SSBP4: variants seen among roughly 807,000 people sequenced by gnomAD.
SSBP4 encodes the protein single stranded DNA binding protein 4.
SSBP4 carries 33 observed loss-of-function variants against 64.6 expected under a neutral mutation model. That is an observed-to-expected ratio of 0.51 (90% confidence interval 0.39 to 0.68). SSBP4 has a LOEUF of 0.68. Ranked by LOEUF, SSBP4 falls within the 30% of genes least tolerant of loss-of-function variation. The probability of loss-of-function intolerance (pLI) is 0.00; values close to 1 mark genes in which losing one functional copy is unlikely to be tolerated. For missense variants in SSBP4, 583 were observed against 566.8 expected (o/e 1.03, Z -0.29); for synonymous variants, 243 against 224.0 (o/e 1.08, Z -0.76).
intron 1 of SSBP4, among the ~76,000 whole-genome samples, chr19:18,424,377 C>T (rs1203359245): frequency 2.0e-5 from 3 of 152,172 alleles, no homozygotes; most frequent in East Asian, 1.9e-4. Flanking sequence ...CCCCGCCCCA[C>T]GTCAAGCTAC....
upstream of SSBP4, among the ~76,000 whole-genome samples, chr19:18,418,594 G>A (rs1454895196): frequency 6.6e-6 from 1 of 152,230 alleles, no homozygotes; most frequent in African/African-American, 2.4e-5. The surrounding 1 kb of genome is among the most constrained non-coding windows in gnomAD (Gnocchi z 6.7). Flanking sequence ...TTACTTCGGG[G>A]TGGTGCCAGG....
Position 18,432,744 on chromosome 19 carries a change from G to A in SSBP4, c.786+9G>A. 6.2e-7 allele frequency: 1 copy of A among 1,606,202 alleles called. No homozygotes were observed. The highest frequency in any genetic ancestry group is 1.7e-5 in the Admixed American group (1 of 59,730). On this transcript the variant is annotated intron_variant, in intron 12 of 17. Transcript: ENST00000270061. ...CCCCCGGCAGCTACACCGTAAGTCTGAGCAAAGCTGGGTCACCCCTGGGCA... is the reference window on the plus strand; with the variant it reads ...CCCCCGGCAGCTACACCGTAAGTCTAAGCAAAGCTGGGTCACCCCTGGGCA...
At chr19:18,414,840 G>A (rs1432357568), upstream of SSBP4, among the ~76,000 whole-genome samples, 1 of 152,148 alleles carries the variant, frequency 6.6e-6, no homozygotes, top group African/African-American at 2.4e-5. Flanking sequence ...CTGAAGTTCA[G>A]CTGTTTCCCG....
upstream of SSBP4, among the ~76,000 whole-genome samples, chr19:18,414,397 T>G (rs1428181671): frequency 3.3e-5 from 5 of 151,604 alleles, no homozygotes; most frequent in Non-Finnish European, 5.9e-5. Flanking sequence ...GAAGCTGAGG[T>G]GGGAGGATCA....
chr19:18,434,305 A>G lies in SSBP4; in HGVS notation c.*59A>G. The G allele has an allele frequency of 6.3e-7, 1 of 1,597,692 alleles. No homozygotes were observed. The highest frequency in any genetic ancestry group is 8.5e-7 in the Non-Finnish European group (1 of 1,173,002). The stretch of plus-strand genomic sequence containing the variant: ...AGGCTTCTGCCCAGCGCCCCTGCTC[A>G]GGGCGAGGGGCTGAGGTCACACCTC... On this transcript the variant is annotated 3_prime_UTR_variant, in exon 18 of 18. Coordinates refer to ENST00000270061, the MANE Select transcript of SSBP4 (RefSeq NM_032627.5).
rs746891221 is a variant in SSBP4 at position 18,431,834 on chromosome 19, C to T, written c.537C>T (p.Gly179=). ...GLPGSQPLLP[G]AMEPSPRAQG... ...CTGGCTCCCAGCCCCTCCTCCCTGGCGCCATGGAGCCCTCCCCACGAGCCC... is the reference window on the plus strand; with the variant it reads ...CTGGCTCCCAGCCCCTCCTCCCTGGTGCCATGGAGCCCTCCCCACGAGCCC... Residue 179 remains glycine (G), a synonymous_variant, in exon 8 of 18, where the codon GGC becomes GGT. Transcript: ENST00000270061. The T allele has an allele frequency of 6.4e-6, 10 of 1,570,022 alleles. No homozygotes were observed. Among genetic ancestry groups the T allele is most frequent in the Middle Eastern group, 1.7e-4 (1 of 6,002 alleles).
rs1221112802 is a variant in SSBP4, at chr19:18,419,490, G to A, written c.-159G>A. 1 of 1,092,556 alleles carries A rather than the reference G, an allele frequency of 9.2e-7. No homozygotes were observed. The allele number at this position is 1,092,556 out of a possible 1,614,324, so 67.7% of individuals were successfully genotyped here. A position where few individuals can be genotyped will look rare whatever the true frequency, so the allele number is the denominator to read the frequency against. On this transcript the variant is annotated 5_prime_UTR_variant, in exon 1 of 18. Coordinates refer to ENST00000270061, the MANE Select transcript of SSBP4 (RefSeq NM_032627.5). ...TGGAGCCGCCGCTGCCGCCGCCGCC[G>A]CGGCCGTCTGGAGCTCCCCCGCGCG...
rs147271786 is a variant in SSBP4 at position 18,427,757 on chromosome 19, A to G, written c.138A>G (p.Arg46=). The part of the protein sequence containing the change: ...KSAQTFLSEI[R]WEKNITLGEP... ...CCACCTTCCTTTCCCTGCAGATCCG[A>G]TGGGAGAAGAACATCACGCTGGGGG... Residue 46 remains arginine (R), a synonymous_variant, in exon 3 of 18, where the codon CGA becomes CGG. Coordinates refer to ENST00000270061, the MANE Select transcript of SSBP4 (RefSeq NM_032627.5). This position sits in a 1 kb window ranked among gnomAD's most constrained non-coding sequence, Gnocchi z 4.4. The G allele has an allele frequency of 5.0e-6, 8 of 1,593,384 alleles. No individual in the cohort carries two copies. Among genetic ancestry groups the G allele is most frequent in the Non-Finnish European group, 6.9e-6 (8 of 1,165,082 alleles).
chr19:18,422,263 A>AG (rs1972515894), intron 1 of SSBP4, among the ~76,000 whole-genome samples: 1 of 152,166 alleles, frequency 6.6e-6, no homozygotes, highest in African/African-American at 2.4e-5. Flanking sequence ...TGGTAGGGTG[A>AG]GGGGGTTAGC....
rs1972836180 is a variant in SSBP4 at position 18,426,077 on chromosome 19, G to C, written c.60-1274G>C. ...TTTGGGGCAAGGGCAGTGCCCATGA[G>C]GACCAGGTGGGGGCAGGAAGTCCCC... On this transcript the variant is annotated intron_variant, in intron 1 of 17. Coordinates refer to ENST00000270061, the MANE Select transcript of SSBP4 (RefSeq NM_032627.5). This position sits in a 1 kb window ranked among gnomAD's most constrained non-coding sequence, Gnocchi z 4.5. 6.6e-6 allele frequency: 1 copy of C among 152,334 alleles called. No individual in the cohort carries two copies. Among genetic ancestry groups the C allele is most frequent in the Admixed American group, 6.5e-5 (1 of 15,278 alleles). 9.4% of individuals were successfully genotyped at this position (152,334 alleles called of 1,614,324 possible).
upstream of SSBP4, among the ~76,000 whole-genome samples, chr19:18,416,360 G>A (rs528416826): frequency 1.3e-5 from 2 of 152,272 alleles, no homozygotes; most frequent in Non-Finnish European, 2.9e-5. Context: ...CGTCCAGGCT[G>A]AAGTGCAGTG....
Position 18,434,031 on chromosome 19 carries a change from C to T in SSBP4, c.1129-186C>T, listed in dbSNP as rs1017031857. The T allele has an allele frequency of 1.1e-4, 137 of 1,296,744 alleles. No homozygotes were observed. In the African/African-American group the frequency reaches 1.9e-3, roughly 18 times the overall value. The allele number at this position is 1,296,744 out of a possible 1,614,324, so 80.3% of individuals were successfully genotyped here. A position where few individuals can be genotyped will look rare whatever the true frequency, so the allele number is the denominator to read the frequency against. The stretch of plus-strand genomic sequence containing the variant: ...TCACCGTCCCGATCCCATCCGCCCC[C>T]ACCCCGGGACCCGCGCCCCAGGGCG... On this transcript the variant is annotated intron_variant, in intron 17 of 17. Coordinates refer to ENST00000270061, the MANE Select transcript of SSBP4 (RefSeq NM_032627.5).
In SSBP4 at chr19:18,431,819, G is replaced by A; in HGVS notation, c.522G>A (p.Gln174=). Residue 174 remains glutamine (Q), a synonymous_variant, in exon 8 of 18, where the codon CAG becomes CAA. Transcript: ENST00000270061. ...SQPPAGLPGS[Q]PLLPGAMEPS... Reference sequence around the variant, plus strand: ...CTCCCGCAGGCCTCCCTGGCTCCCAGCCCCTCCTCCCTGGCGCCATGGAGC... The same window carrying A: ...CTCCCGCAGGCCTCCCTGGCTCCCAACCCCTCCTCCCTGGCGCCATGGAGC... 6 of 1,566,382 alleles carry A rather than the reference G, an allele frequency of 3.8e-6. No individual in the cohort carries two copies. The highest frequency in any genetic ancestry group is 5.2e-6 in the Non-Finnish European group (6 of 1,154,672).
rs1973366157 is a variant in SSBP4, at chr19:18,431,372, CGT to C, written c.390_391del (p.Ser131ProfsTer147). 7.6e-7 allele frequency: 1 copy of C among 1,321,616 alleles called. No individual in the cohort carries two copies. 81.9% of individuals were successfully genotyped at this position (1,321,616 alleles called of 1,614,324 possible). Reference sequence around the variant, plus strand: ...TCCTAGGGCCCCCCCGGCTCCCAGCCGTCCCCCCACAACCCCAACGCCCCCAT... The same window carrying C: ...TCCTAGGGCCCCCCCGGCTCCCAGCCCCCCCCACAACCCCAACGCCCCCAT... On this transcript the variant is annotated frameshift_variant, in exon 6 of 18. Transcript: ENST00000270061. LOFTEE classifies it high-confidence loss of function.
rs1358279404 is a variant in SSBP4 at position 18,432,900 on chromosome 19, G to C, written c.841+17G>C. 22 of 1,613,912 alleles carry C rather than the reference G, an allele frequency of 1.4e-5. No individual in the cohort carries two copies. The Admixed American group carries it at 3.7e-4, about 27-fold the overall frequency. On this transcript the variant is annotated intron_variant, in intron 13 of 17. Coordinates refer to ENST00000270061, the MANE Select transcript of SSBP4 (RefSeq NM_032627.5). The stretch of plus-strand genomic sequence containing the variant: ...GCCCTGGAGGTATGGCCTAGTAAGA[G>C]GTGGGGGTGTGCTAGGGTGGGTGTG...
chr19:18,410,707 C>G, the SSBP4 span, among the ~76,000 whole-genome samples: 2 of 151,764 alleles, frequency 1.3e-5, no homozygotes, highest in African/African-American at 4.8e-5. Flanking sequence ...GGTCTTAGCT[C>G]AGGGAGGCCT....
upstream of SSBP4, among the ~76,000 whole-genome samples, chr19:18,415,546 C>CG: frequency 6.6e-6 from 1 of 151,990 alleles, no homozygotes; most frequent in Non-Finnish European, 1.5e-5. Flanking sequence ...AACAGTCTTG[C>CG]GGGGGCAGTG....
At chr19:18,424,946 T>G (rs1424051162) in intron 1 of SSBP4, among the ~76,000 whole-genome samples, 1 of 150,842 alleles carries the variant, frequency 6.6e-6, no homozygotes, top group East Asian at 1.9e-4. Context: ...GAATCCCAAG[T>G]TTGGGGAAGG....
At chr19:18,408,448 G>A in the SSBP4 span, among the ~76,000 whole-genome samples, 3 of 151,770 alleles carry the variant, frequency 2.0e-5, no homozygotes, top group African/African-American at 7.3e-5. Context: ...TCACCTCTCA[G>A]ATAATGCCCC....
Sources: gnomAD v4.1 joint callset for allele counts (sites outside exome capture counted in the v4.1 genomes callset) on GRCh38, gnomAD v4.1.1 for gene constraint, Gnocchi (gnomAD v3.1) non-coding constraint, MANE v1.5 for transcripts, NCBI Gene and HGNC (gene_info 2026-07-23, HGNC 2026-07-21) for gene names.